SGCZ: variants seen among roughly 807,000 people sequenced by gnomAD.
SGCZ encodes the protein zeta-sarcoglycan.
A neutral mutation model predicts 41.3 loss-of-function variants in SGCZ; 40 were observed. The observed-to-expected ratio is 0.97, with a 90% confidence interval of 0.75 to 1.26. The LOEUF is 1.26. Among genes scored for constraint, SGCZ ranks in the 50% most tolerant of loss-of-function variants. The probability of loss-of-function intolerance (pLI) is 0.00; values close to 1 mark genes in which losing one functional copy is unlikely to be tolerated. For synonymous variants in SGCZ, 206 were observed against 137.5 expected (o/e 1.50, Z -3.49); for missense variants, 552 against 369.8 (o/e 1.49, Z -4.04).
At chr8:14,813,158 T>G (rs1302185064) in intron 1 of SGCZ, among the ~76,000 whole-genome samples, 1 of 152,178 alleles carries the variant, frequency 6.6e-6, no homozygotes, top group Non-Finnish European at 1.5e-5. Context: ...CTCAAAGAGT[T>G]CAAAAACGAT....
In SGCZ at chr8:14,976,027, T is replaced by TA. The variant is rs1491342773; in HGVS notation, c.39+261557_39+261558insT. On this transcript the variant is annotated intron_variant, in intron 1 of 7. Transcript: ENST00000382080. ...ATATATATATATATACACATATATA[T>TA]TTTTTTTTTTTCTGAGATGGAGCCT... 4.1e-4 allele frequency among the ~76,000 whole-genome samples: 59 copies of TA among 143,892 alleles called. No homozygotes were observed. The East Asian group carries it at 7.0e-3, about 17-fold the overall frequency. The allele number at this position is 143,892 out of a possible 152,430, so 94.4% of individuals were successfully genotyped here.
chr8:14,504,740 G>C (rs921136429), intron 2 of SGCZ, among the ~76,000 whole-genome samples: 2 of 151,892 alleles, frequency 1.3e-5, no homozygotes, highest in Admixed American at 6.6e-5. Context: ...ACTTCTTTAT[G>C]GCACTTCTGC....
intron 4 of SGCZ, among the ~76,000 whole-genome samples, chr8:14,218,718 A>C (rs931034879): frequency 6.6e-6 from 1 of 152,186 alleles, no homozygotes; most frequent in Non-Finnish European, 1.5e-5. Flanking sequence ...AACTCCGGCC[A>C]TTTTCTTATT....
chr8:14,261,920 G>T (rs1013891222), intron 3 of SGCZ, among the ~76,000 whole-genome samples: 3 of 152,040 alleles, frequency 2.0e-5, no homozygotes, highest in African/African-American at 7.2e-5. Context: ...GAACTTTCAA[G>T]GTAAAATTAT....
chr8:15,059,772 A>C (rs1804848019), intron 1 of SGCZ, among the ~76,000 whole-genome samples: 1 of 152,214 alleles, frequency 6.6e-6, no homozygotes, highest in Non-Finnish European at 1.5e-5. Context: ...CGTTTTGAAT[A>C]GTTAGGAGAA....
At chr8:15,230,473 C>A (rs1345594179) in intron 1 of SGCZ, among the ~76,000 whole-genome samples, 19 of 152,128 alleles carry the variant, frequency 1.2e-4, no homozygotes, top group Admixed American at 1.2e-3. Flanking sequence ...CATTTTGGTA[C>A]CCATAAAATG....
chr8:14,151,017 C>A (rs970031288), intron 5 of SGCZ, among the ~76,000 whole-genome samples: 5 of 151,960 alleles, frequency 3.3e-5, no homozygotes, highest in African/African-American at 1.2e-4. Flanking sequence ...GATTACCAGA[C>A]GCTGGGAATG....
chr8:15,191,613 A>C (rs989622296), intron 1 of SGCZ, among the ~76,000 whole-genome samples: 6 of 152,104 alleles, frequency 3.9e-5, no homozygotes, highest in African/African-American at 1.4e-4. Context: ...ATATGAAAGT[A>C]TGTGATGAGA....
chr8:15,217,920 C>G (rs1801467679), intron 1 of SGCZ, among the ~76,000 whole-genome samples: 1 of 152,110 alleles, frequency 6.6e-6, no homozygotes, highest in Non-Finnish European at 1.5e-5. Context: ...AACCCCATCT[C>G]TACTAAAATA....
At chr8:15,062,323 CTCT>C (rs1585524492) in intron 1 of SGCZ, among the ~76,000 whole-genome samples, 1 of 152,212 alleles carries the variant, frequency 6.6e-6, no homozygotes, top group African/African-American at 2.4e-5. Flanking sequence ...AAAATAAAGC[CTCT>C]TCTTCTATTA....
At chr8:14,414,942 G>A (rs1327495422) in intron 2 of SGCZ, among the ~76,000 whole-genome samples, 3 of 151,820 alleles carry the variant, frequency 2.0e-5, no homozygotes, top group African/African-American at 4.8e-5. Flanking sequence ...AAATTAGGAA[G>A]GCACTTCAAG....
At chr8:15,004,910 G>A (rs1802548630) in intron 1 of SGCZ, among the ~76,000 whole-genome samples, 1 of 151,906 alleles carries the variant, frequency 6.6e-6, no homozygotes, top group Non-Finnish European at 1.5e-5. Context: ...TCTCACCACT[G>A]CCACACCTCC....
chr8:14,540,521 C>T (rs1803433038), intron 2 of SGCZ, among the ~76,000 whole-genome samples: 1 of 151,292 alleles, frequency 6.6e-6, no homozygotes, highest in East Asian at 1.9e-4. Context: ...CCACTGATTC[C>T]CAGATTTTGG....
intron 1 of SGCZ, among the ~76,000 whole-genome samples, chr8:14,908,548 G>A (rs761780465): frequency 2.0e-5 from 3 of 151,992 alleles, no homozygotes; most frequent in Admixed American, 1.3e-4. Flanking sequence ...TCAGCAGTTC[G>A]AGACCAGCCT....
At chr8:14,678,541 G>T (rs1808344951) in intron 1 of SGCZ, among the ~76,000 whole-genome samples, 1 of 152,192 alleles carries the variant, frequency 6.6e-6, no homozygotes, top group African/African-American at 2.4e-5. Context: ...AACACCAAAT[G>T]CTAGTAAGGA....
In SGCZ at chr8:14,657,688, G is replaced by T. The variant is rs1037949471; in HGVS notation, c.40-102762C>A. Among the ~76,000 whole-genome samples, 3 of 151,562 alleles carry T rather than the reference G, an allele frequency of 2.0e-5. No homozygotes were observed. The East Asian group carries it at 5.8e-4, about 29-fold the overall frequency. On this transcript the variant is annotated intron_variant, in intron 1 of 7. Coordinates refer to ENST00000382080, the MANE Select transcript of SGCZ (RefSeq NM_139167.4). Reference sequence around the variant, plus strand: ...GAAAGAGAAAGATTGGTTCCAAAACGTGTCTCTCTGTTGTCAACACATATT... The same window carrying T: ...GAAAGAGAAAGATTGGTTCCAAAACTTGTCTCTCTGTTGTCAACACATATT...
chr8:14,225,785 T>C (rs1806352065), intron 4 of SGCZ, among the ~76,000 whole-genome samples: 1 of 152,102 alleles, frequency 6.6e-6, no homozygotes, highest in African/African-American at 2.4e-5. Flanking sequence ...TGGAAATAAT[T>C]TTATCAGCCT....
chr8:14,606,187 G>T (rs10096433), intron 1 of SGCZ, among the ~76,000 whole-genome samples: 24,009 of 151,596 alleles, frequency 0.16, 2,336 homozygotes, highest in Non-Finnish European at 0.21. Flanking sequence ...CCTCCCTCTT[G>T]TACATATTGC....
At chr8:14,238,456 C>G (rs4831562) in intron 3 of SGCZ, among the ~76,000 whole-genome samples, 151,642 of 152,358 alleles carry the variant, frequency 1, 75,470 homozygotes, top group East Asian at 1. Context: ...GAAGTATATA[C>G]AATATCTGAT....
Sources: allele counts gnomAD v4.1 joint callset (sites outside exome capture counted in the v4.1 genomes callset), GRCh38; gene constraint gnomAD v4.1.1; transcripts MANE v1.5; gene names NCBI Gene and HGNC (gene_info 2026-07-23, HGNC 2026-07-21).